MYRIP: variants seen among roughly 807,000 people sequenced by gnomAD.
The protein encoded by MYRIP is myosin VIIA and Rab interacting protein.
Under a neutral mutation model 98.0 loss-of-function variants are expected in MYRIP, and 49 were observed. The observed-to-expected ratio is 0.50, with a 90% CI of 0.40 to 0.63. The LOEUF (loss-of-function observed/expected upper bound fraction) is 0.63. MYRIP is among the 30% of genes least tolerant of loss of function. The probability of loss-of-function intolerance (pLI) is 0.00; values close to 1 mark genes in which losing one functional copy is unlikely to be tolerated. For missense variants in MYRIP, 1,004 were observed against 1,058.2 expected (o/e 0.95, Z 0.71); for synonymous variants, 404 against 409.5 (o/e 0.99, Z 0.16).
intron 2 of MYRIP, among the ~76,000 whole-genome samples, chr3:39,942,439 A>C (rs1944809521): frequency 6.6e-6 from 1 of 152,176 alleles, no homozygotes; most frequent in South Asian, 2.1e-4. Context: ...TTATAGAAAT[A>C]GGAATTAGCA....
At chr3:40,165,269 C>G (rs986814370) in intron 5 of MYRIP, among the ~76,000 whole-genome samples, 2 of 152,238 alleles carry the variant, frequency 1.3e-5, no homozygotes, top group Non-Finnish European at 2.9e-5. Flanking sequence ...TTGTGACATA[C>G]TCATCAGCTA....
chr3:40,228,594 A>AGT (rs1232683468), intron 11 of MYRIP, among the ~76,000 whole-genome samples: 1 of 152,180 alleles, frequency 6.6e-6, no homozygotes, highest in African/African-American at 2.4e-5. Context: ...TGTGAGTACC[A>AGT]GTGTCCCTTC....
chr3:40,034,688 A>G (rs79295522), intron 2 of MYRIP, among the ~76,000 whole-genome samples: 74,736 of 148,498 alleles, frequency 0.5, 20,753 homozygotes, highest in East Asian at 0.71. Context: ...ATCTAGAACT[A>G]GAAATACCAT....
chr3:39,958,125 A>G (rs906622814), intron 2 of MYRIP, among the ~76,000 whole-genome samples: 24 of 152,238 alleles, frequency 1.6e-4, no homozygotes, highest in African/African-American at 5.5e-4. Flanking sequence ...TATAGATTCA[A>G]TGCCATCCCT....
At chr3:39,993,142 C>T (rs1233321981) in intron 2 of MYRIP, among the ~76,000 whole-genome samples, 4 of 152,066 alleles carry the variant, frequency 2.6e-5, no homozygotes, top group Non-Finnish European at 5.9e-5. Context: ...CTGTGTCATC[C>T]CATGACAGAA....
chr3:39,907,827 G>T (rs1290323676), intron 2 of MYRIP, among the ~76,000 whole-genome samples: 1 of 152,172 alleles, frequency 6.6e-6, no homozygotes, highest in East Asian at 1.9e-4. Flanking sequence ...TGATGCCAGG[G>T]CTCCGTGTCG....
chr3:39,831,545 CCTT>C (rs1363459186), intron 1 of MYRIP, among the ~76,000 whole-genome samples: 3 of 152,032 alleles, frequency 2.0e-5, no homozygotes, highest in Non-Finnish European at 4.4e-5. Context: ...CCATATTTTA[CCTT>C]CTTTTTAATA....
At chr3:40,192,309 C>CATATATATATATATAT (rs763879430) in intron 10 of MYRIP, among the ~76,000 whole-genome samples, 1 of 57,954 alleles carries the variant, frequency 1.7e-5, no homozygotes, top group Admixed American at 1.7e-4. Flanking sequence ...TAGTTTTCTT[C>CATATATATATATATAT]ATATATATAT....
intron 1 of MYRIP, among the ~76,000 whole-genome samples, chr3:39,852,864 T>C (rs1159910740): frequency 1.3e-5 from 2 of 152,236 alleles, no homozygotes; most frequent in African/African-American, 2.4e-5. Context: ...CACTGCAACC[T>C]CTGCCTTCTG....
intron 13 of MYRIP, among the ~76,000 whole-genome samples, chr3:40,246,244 C>T (rs1953199683): frequency 6.6e-6 from 1 of 152,040 alleles, no homozygotes; most frequent in African/African-American, 2.4e-5. Context: ...GGATCTGTGG[C>T]TCACACTTTT....
At chr3:40,203,310 G>C (rs966326090) in intron 10 of MYRIP, among the ~76,000 whole-genome samples, 1 of 152,062 alleles carries the variant, frequency 6.6e-6, no homozygotes, top group Admixed American at 6.6e-5. Context: ...AAGACCTCCA[G>C]TTTGAGAAAA....
At chr3:39,976,490 T>G (rs1945753858) in intron 2 of MYRIP, among the ~76,000 whole-genome samples, 1 of 152,226 alleles carries the variant, frequency 6.6e-6, no homozygotes, top group Non-Finnish European at 1.5e-5. Context: ...AGTGTGGCGA[T>G]TCCTCAGGGA....
intron 2 of MYRIP, among the ~76,000 whole-genome samples, chr3:39,977,612 A>G (rs9823099): frequency 0.49 from 73,804 of 151,988 alleles, 19,105 homozygotes; most frequent in African/African-American, 0.69. Context: ...AAAGACAATT[A>G]GGTGGAAACT....
intron 7 of MYRIP, among the ~76,000 whole-genome samples, chr3:40,168,550 A>G (rs550590128): frequency 6.6e-6 from 1 of 152,232 alleles, no homozygotes; most frequent in Middle Eastern, 3.2e-3. Flanking sequence ...CTATCTGTAT[A>G]TATGTTTTGT....
chr3:39,939,185 T>C (rs1442445983), intron 2 of MYRIP, among the ~76,000 whole-genome samples: 1 of 152,142 alleles, frequency 6.6e-6, no homozygotes, highest in South Asian at 2.1e-4. Context: ...TTAATGAATT[T>C]CCTAATGAGC....
At chr3:39,991,018 A>AGG (rs1455686287) in intron 2 of MYRIP, among the ~76,000 whole-genome samples, 9 of 152,132 alleles carry the variant, frequency 5.9e-5, no homozygotes. Context: ...GGGCTACGGG[A>AGG]GGGATAACAT....
intron 1 of MYRIP, among the ~76,000 whole-genome samples, chr3:39,830,991 T>C (rs1941428639): frequency 6.6e-6 from 1 of 152,220 alleles, no homozygotes; most frequent in South Asian, 2.1e-4. Flanking sequence ...TGGAATACAA[T>C]GTCAATTCTT....
chr3:40,150,095 T>A (rs1950089926), intron 3 of MYRIP, among the ~76,000 whole-genome samples: 1 of 152,172 alleles, frequency 6.6e-6, no homozygotes, highest in South Asian at 2.1e-4. Flanking sequence ...TTTTTTTATT[T>A]ATTTTTAGAT....
At chr3:40,219,529 C>T (rs1952257774) in intron 11 of MYRIP, among the ~76,000 whole-genome samples, 1 of 152,112 alleles carries the variant, frequency 6.6e-6, no homozygotes, top group African/African-American at 2.4e-5. Flanking sequence ...GTTCCCCTTC[C>T]TGTGTCCATG....
Sources: gnomAD v4.1 joint callset for allele counts (sites outside exome capture counted in the v4.1 genomes callset) on GRCh38, gnomAD v4.1.1 for gene constraint, MANE v1.5 for transcripts, NCBI Gene and HGNC (gene_info 2026-07-23, HGNC 2026-07-21) for gene names.